The following DLGAP2 variants were observed in gnomAD, a reference collection of about 807,000 sequenced individuals.
The protein encoded by DLGAP2 is DLG associated protein 2.
A neutral mutation model predicts 100.3 loss-of-function variants in DLGAP2; 26 were observed. That is an observed-to-expected ratio of 0.26 (90% confidence interval 0.19 to 0.36). The LOEUF (loss-of-function observed/expected upper bound fraction) is 0.36, where lower values mean the gene tolerates loss of function less well. DLGAP2 is among the 10% of genes least tolerant of loss of function. DLGAP2 has a pLI of 1.00. For missense variants in DLGAP2, 1,858 were observed against 1,453.2 expected (o/e 1.28, Z -4.53); for synonymous variants, 886 against 630.1 (o/e 1.41, Z -6.08).
At position 1,177,036 on chromosome 8, in the gene DLGAP2, G is replaced by A. The variant is rs190060922; in HGVS notation, c.74-81815G>A. On this transcript the variant is annotated intron_variant, in intron 2 of 14. Transcript: ENST00000637795. ...AGTCCTTGAGATCATCGTTGATGTCGCATTAACACTTCAAAAAATTATACT... is the reference window on the plus strand; with the variant it reads ...AGTCCTTGAGATCATCGTTGATGTCACATTAACACTTCAAAAAATTATACT... Among the ~76,000 whole-genome samples the A allele has an allele frequency of 1.2e-3, 178 of 152,274 alleles. 1 individual carries two copies. Among genetic ancestry groups the A allele is most frequent in the Middle Eastern group, 3.4e-3 (1 of 294 alleles).
At chr8:1,509,735 T>C (rs1005373291) in intron 4 of DLGAP2, among the ~76,000 whole-genome samples, 14 of 152,284 alleles carry the variant, frequency 9.2e-5, no homozygotes, top group Middle Eastern at 3.4e-3. Flanking sequence ...TCCTACCTCG[T>C]TGGAATTTTA....
chr8:1,192,756 TG>T (rs1797667150), intron 2 of DLGAP2, among the ~76,000 whole-genome samples: 2 of 152,106 alleles, frequency 1.3e-5, no homozygotes, highest in South Asian at 4.2e-4. Context: ...TGTGCCATGT[TG>T]GTGTGCTGCA....
rs1315804967 is a variant in DLGAP2 at position 1,429,997 on chromosome 8, CATATATATACAT to C, written c.107-71359_107-71348del. On this transcript the variant is annotated intron_variant, in intron 3 of 14. Transcript: ENST00000637795. ...GAATGAAAGCAGAAGGGGAGAGATG[CATATATATACAT>C]ATATATATATATATATATACACACA... 5.6e-4 allele frequency among the ~76,000 whole-genome samples: 11 copies of C among 19,660 alleles called. 1 individual carries two copies. The highest frequency in any genetic ancestry group is 4.5e-3 in the South Asian group (1 of 222). The allele number at this position is 19,660 out of a possible 152,430, so 12.9% of individuals were successfully genotyped here.
At chr8:1,425,470 T>A (rs1797212362) in intron 3 of DLGAP2, among the ~76,000 whole-genome samples, 1 of 152,100 alleles carries the variant, frequency 6.6e-6, no homozygotes, top group South Asian at 2.1e-4. Flanking sequence ...AAGAAAGAAG[T>A]GTCTGATGGG....
intron 2 of DLGAP2, among the ~76,000 whole-genome samples, chr8:1,043,319 C>T (rs112216150): frequency 0.57 from 36,256 of 63,132 alleles, 7,577 homozygotes; most frequent in Admixed American, 0.62. Flanking sequence ...GGGTGATGGA[C>T]GTGGGTGATG....
intron 1 of DLGAP2, among the ~76,000 whole-genome samples, chr8:841,186 T>G (rs1796977434): frequency 6.6e-6 from 1 of 152,186 alleles, no homozygotes; most frequent in African/African-American, 2.4e-5. Context: ...TCCCCTGAAT[T>G]TAAAAGTTAT....
chr8:1,099,438 G>C (rs1164446205), intron 2 of DLGAP2, among the ~76,000 whole-genome samples: 1 of 152,226 alleles, frequency 6.6e-6, no homozygotes, highest in Non-Finnish European at 1.5e-5. Context: ...GGATGCGCCA[G>C]GGCCGTACTG....
chr8:1,548,481 A>AC, intron 4 of DLGAP2, 145 bp from the exon 5 acceptor site: 2 of 559,302 alleles, frequency 3.6e-6, no homozygotes, highest in Non-Finnish European at 2.8e-6. Flanking sequence ...AAAAAAAAAA[A>AC]AAACCCACAA....
chr8:1,425,116 T>C (rs1030870404), intron 3 of DLGAP2, among the ~76,000 whole-genome samples: 3 of 152,262 alleles, frequency 2.0e-5, no homozygotes, highest in Non-Finnish European at 4.4e-5. Flanking sequence ...TAAGGTAGTT[T>C]TTAAAATTAT....
At chr8:921,247 C>A (rs1017960808) in intron 2 of DLGAP2, among the ~76,000 whole-genome samples, 1 of 152,254 alleles carries the variant, frequency 6.6e-6, no homozygotes, top group East Asian at 1.9e-4. Context: ...CCCTGATTTC[C>A]GTGGCGCACA....
chr8:1,026,125 C>T (rs144114706), intron 2 of DLGAP2, among the ~76,000 whole-genome samples: 6 of 152,306 alleles, frequency 3.9e-5, no homozygotes, highest in South Asian at 2.1e-4. Flanking sequence ...CTGGCGTCCT[C>T]GAACATGCTG....
intron 1 of DLGAP2, among the ~76,000 whole-genome samples, chr8:859,494 C>G (rs775778770): frequency 6.6e-6 from 1 of 152,060 alleles, no homozygotes; most frequent in African/African-American, 2.4e-5. Flanking sequence ...GTTAGCGGCA[C>G]GTGTGAGCTG....
At chr8:1,313,315 A>T (rs1800655264) in intron 3 of DLGAP2, among the ~76,000 whole-genome samples, 1 of 152,208 alleles carries the variant, frequency 6.6e-6, no homozygotes, top group African/African-American at 2.4e-5. Flanking sequence ...AACAGTTAGA[A>T]TGTAAAACTT....
chr8:1,538,390 C>T (rs1336009382), intron 4 of DLGAP2, among the ~76,000 whole-genome samples: 1 of 152,174 alleles, frequency 6.6e-6, no homozygotes, highest in Non-Finnish European at 1.5e-5. Context: ...ATGTTCTCTC[C>T]ACAAACACAG....
chr8:853,869 A>T (rs1797226857), intron 1 of DLGAP2, among the ~76,000 whole-genome samples: 1 of 152,150 alleles, frequency 6.6e-6, no homozygotes, highest in Non-Finnish European at 1.5e-5. Context: ...TTCATACCCT[A>T]ACCCCCAATG....
intron 1 of DLGAP2, among the ~76,000 whole-genome samples, chr8:741,331 T>A (rs374372486): frequency 2.0e-5 from 3 of 152,090 alleles, no homozygotes; most frequent in African/African-American, 7.3e-5. Flanking sequence ...CAAATTAATC[T>A]CCTCAGCAAA....
intron 2 of DLGAP2, among the ~76,000 whole-genome samples, chr8:1,227,153 G>GATAGATAGATATATATATATATAT (rs796173465): frequency 6.7e-5 from 6 of 89,708 alleles, no homozygotes; most frequent in South Asian, 8.2e-4. Flanking sequence ...GAAACTGTGA[G>GATAGATAGATATATATATATATAT]ATATATATAT....
At chr8:1,272,728 C>T (rs552935507) in intron 3 of DLGAP2, among the ~76,000 whole-genome samples, 2 of 152,196 alleles carry the variant, frequency 1.3e-5, no homozygotes, top group South Asian at 2.1e-4. Context: ...GTCAAGGTTT[C>T]AGGGTCTGTA....
chr8:1,146,144 G>A (rs1479584238), intron 2 of DLGAP2, among the ~76,000 whole-genome samples: 1 of 152,158 alleles, frequency 6.6e-6, no homozygotes, highest in Non-Finnish European at 1.5e-5. Flanking sequence ...CATCTCTGCA[G>A]CCACGAGGGT....
Sources: allele counts gnomAD v4.1 joint callset (sites outside exome capture counted in the v4.1 genomes callset), GRCh38; gene constraint gnomAD v4.1.1; transcripts MANE v1.5; gene names NCBI Gene and HGNC (gene_info 2026-07-23, HGNC 2026-07-21).